The following PCDH9 variants were observed in gnomAD, a reference collection of about 807,000 sequenced individuals.
PCDH9 encodes the protein protocadherin 9.
In PCDH9, 24 loss-of-function variants were observed where a neutral mutation model predicts 70.6. The ratio of observed to expected loss-of-function variants is 0.34; its 90% confidence interval spans 0.25 to 0.48. The LOEUF is 0.48. PCDH9 is among the 20% of genes least tolerant of loss of function. The pLI, the probability that PCDH9 is intolerant of heterozygous loss-of-function variation, is 0.99. For synonymous variants in PCDH9, 562 were observed against 558.5 expected, an observed-to-expected ratio of 1.01 and a Z score of -0.09; for missense variants, 1,281 against 1,503.6, an observed-to-expected ratio of 0.85 and a Z score of 2.45.
intron 3 of PCDH9, among the ~76,000 whole-genome samples, chr13:66,782,339 G>C (rs1292170796): frequency 6.6e-6 from 1 of 152,098 alleles, no homozygotes; most frequent in Non-Finnish European, 1.5e-5. Flanking sequence ...AAGAAAGCAA[G>C]AGAGAATGCA....
chr13:66,829,970 T>G (rs1430823851), intron 3 of PCDH9, among the ~76,000 whole-genome samples: 2 of 151,914 alleles, frequency 1.3e-5, no homozygotes, highest in South Asian at 4.1e-4. Context: ...TTTTCTTTAG[T>G]TTTGAATTTG....
chr13:67,188,009 C>T (rs1294239050), intron 2 of PCDH9, among the ~76,000 whole-genome samples: 6 of 151,706 alleles, frequency 4.0e-5, no homozygotes, highest in South Asian at 2.1e-4. Context: ...TAGTTGGTAC[C>T]GAACACTAGA....
intron 2 of PCDH9, among the ~76,000 whole-genome samples, chr13:67,172,703 C>G (rs1310017591): frequency 6.6e-6 from 1 of 151,792 alleles, no homozygotes; most frequent in African/African-American, 2.4e-5. Flanking sequence ...AAAGGGGAAA[C>G]CCCATCTCTA....
intron 4 of PCDH9, among the ~76,000 whole-genome samples, chr13:66,387,467 T>C (rs553766047): frequency 6.7e-6 from 1 of 149,188 alleles, no homozygotes; most frequent in South Asian, 2.1e-4. Context: ...AAAAGGCAGA[T>C]CCCCCATGAA....
At chr13:66,425,715 T>C (rs542069627) in intron 4 of PCDH9, among the ~76,000 whole-genome samples, 5 of 151,790 alleles carry the variant, frequency 3.3e-5, no homozygotes, top group African/African-American at 1.2e-4. Context: ...TTTGATATTG[T>C]CTAGGTACAG....
chr13:66,565,213 C>T (rs1352649498), intron 4 of PCDH9, among the ~76,000 whole-genome samples: 2 of 152,148 alleles, frequency 1.3e-5, no homozygotes, highest in African/African-American at 4.8e-5. Context: ...ATGTTTTTCA[C>T]TTTGTATCAG....
intron 4 of PCDH9, among the ~76,000 whole-genome samples, chr13:66,522,152 A>T (rs541943606): frequency 2.9e-4 from 44 of 151,208 alleles, no homozygotes; most frequent in Admixed American, 9.3e-4. Context: ...AAATTTTTTT[A>T]AAAAAATACC....
chr13:66,884,806 T>C (rs147660899), intron 3 of PCDH9, among the ~76,000 whole-genome samples: 2 of 152,148 alleles, frequency 1.3e-5, no homozygotes, highest in Non-Finnish European at 2.9e-5. Context: ...CATTACTGCA[T>C]GAAAGAGAAA....
intron 4 of PCDH9, among the ~76,000 whole-genome samples, chr13:66,385,069 G>A (rs1956907599): frequency 6.6e-6 from 1 of 151,884 alleles, no homozygotes; most frequent in South Asian, 2.1e-4. Flanking sequence ...CTATGTATTT[G>A]ACATTTTTTT....
chr13:66,706,314 T>C (rs2078710873), intron 3 of PCDH9, among the ~76,000 whole-genome samples: 1 of 152,190 alleles, frequency 6.6e-6, no homozygotes, highest in African/African-American at 2.4e-5. Context: ...GTTTGCAAAA[T>C]TCAGTCAGCC....
chr13:67,059,611 G>T (rs184960915), intron 2 of PCDH9, among the ~76,000 whole-genome samples: 1 of 151,460 alleles, frequency 6.6e-6, no homozygotes, highest in East Asian at 2.0e-4. Context: ...GGCACATACG[G>T]CTCAAGTGTC....
At chr13:66,849,457 T>C (rs1358035281) in intron 3 of PCDH9, among the ~76,000 whole-genome samples, 1 of 145,438 alleles carries the variant, frequency 6.9e-6, no homozygotes, top group Non-Finnish European at 1.5e-5. Flanking sequence ...TATATGACAA[T>C]ATATGACATC....
At chr13:66,642,773 A>G (rs572252675) in intron 3 of PCDH9, among the ~76,000 whole-genome samples, 1 of 152,022 alleles carries the variant, frequency 6.6e-6, no homozygotes, top group Non-Finnish European at 1.5e-5. Flanking sequence ...GAATTCCAAT[A>G]TAATTGGAAT....
intron 3 of PCDH9, among the ~76,000 whole-genome samples, chr13:66,872,087 A>G (rs2081702548): frequency 3.3e-5 from 5 of 152,182 alleles, no homozygotes; most frequent in Admixed American, 1.3e-4. Flanking sequence ...ACAGCACTAG[A>G]GACTGAAGAG....
intron 4 of PCDH9, among the ~76,000 whole-genome samples, chr13:66,514,345 G>T (rs1959628509): frequency 6.6e-6 from 1 of 152,076 alleles, no homozygotes; most frequent in Middle Eastern, 3.4e-3. Flanking sequence ...CATAGACTTG[G>T]TTTGTATAAA....
chr13:66,332,069 G>T (rs1955954213), intron 4 of PCDH9, among the ~76,000 whole-genome samples: 1 of 152,106 alleles, frequency 6.6e-6, no homozygotes, highest in African/African-American at 2.4e-5. Flanking sequence ...GTTGCCAGCA[G>T]GTGTTTGCTA....
At chr13:66,858,078 T>TAAA in intron 3 of PCDH9, among the ~76,000 whole-genome samples, 1 of 152,164 alleles carries the variant, frequency 6.6e-6, no homozygotes, top group Non-Finnish European at 1.5e-5. Context: ...GCATCCTTAC[T>TAAA]AAGATAAATA....
intron 2 of PCDH9, among the ~76,000 whole-genome samples, chr13:66,913,280 C>A (rs2082500562): frequency 6.6e-6 from 1 of 151,900 alleles, no homozygotes; most frequent in Admixed American, 6.6e-5. Flanking sequence ...GAAAGGAGTG[C>A]ATAAGTTCTT....
At chr13:66,476,012 T>C (rs1463339964) in intron 4 of PCDH9, among the ~76,000 whole-genome samples, 4 of 152,092 alleles carry the variant, frequency 2.6e-5, no homozygotes, top group Non-Finnish European at 5.9e-5. Context: ...TTGAATGTTG[T>C]TTCTTACTCT....
Sources: gnomAD v4.1 joint callset for allele counts (sites outside exome capture counted in the v4.1 genomes callset) on GRCh38, gnomAD v4.1.1 for gene constraint, MANE v1.5 for transcripts, NCBI Gene and HGNC (gene_info 2026-07-23, HGNC 2026-07-21) for gene names.